The following KLRG1 variants were observed in gnomAD, a reference collection of about 807,000 sequenced individuals.
The protein encoded by KLRG1 is killer cell lectin like receptor G1.
KLRG1 carries 16 observed loss-of-function variants against 21.8 expected under a neutral mutation model. The observed-to-expected ratio is 0.73, with a 90% CI of 0.50 to 1.11. The LOEUF (loss-of-function observed/expected upper bound fraction) is 1.11. KLRG1 is among the 50% of genes most tolerant of loss of function. The pLI, the probability that KLRG1 is intolerant of heterozygous loss-of-function variation, is 0.00. For missense variants in KLRG1, 173 were observed against 218.3 expected (o/e 0.79, Z 1.31); for synonymous variants, 69 against 75.9 (o/e 0.91, Z 0.47).
At chr12:9,091,226 A>G in the KLRG1 span, 10 of 1,614,204 alleles carry the variant, frequency 6.2e-6, no homozygotes, top group Non-Finnish European at 8.5e-6. Context: ...AAGGTAGTTT[A>G]GGACCGTGGC....
chr12:9,192,118 A>G, the KLRG1 span: 6 of 1,286,968 alleles, frequency 4.7e-6, no homozygotes. Context: ...ACGATTTCCC[A>G]TTTATGAACT....
At chr12:9,073,653 C>T in the KLRG1 span, among the ~76,000 whole-genome samples, 212 of 152,176 alleles carry the variant, frequency 1.4e-3, no homozygotes, top group Non-Finnish European at 2.2e-3. Flanking sequence ...AGCAAACATC[C>T]GAATTCTCTG....
upstream of KLRG1, chr12:8,988,446 T>C (rs1946881719): frequency 6.6e-6 from 1 of 152,224 alleles, no homozygotes; most frequent in South Asian, 2.1e-4. Flanking sequence ...AGCAGAAATA[T>C]ATTTGTTTTT....
chr12:9,152,351 G>T, the KLRG1 span: 64 of 1,454,394 alleles, frequency 4.4e-5, no homozygotes, highest in Non-Finnish European at 6.1e-5. Flanking sequence ...TTTTATACGT[G>T]AAAGAAAGCC....
the KLRG1 span, chr12:9,181,090 GT>G: frequency 7.9e-5 from 127 of 1,614,088 alleles, no homozygotes; most frequent in African/African-American, 1.6e-3. Flanking sequence ...AGGTGGGCAT[GT>G]GAGGCTGGGG....
the KLRG1 span, among the ~76,000 whole-genome samples, chr12:9,056,823 G>A: frequency 6.6e-6 from 1 of 152,174 alleles, no homozygotes; most frequent in Non-Finnish European, 1.5e-5. Flanking sequence ...AAACTGCTGG[G>A]ATTATAGGCA....
chr12:8,958,550 A>G (rs1946332800), intron 1 of KLRG1, among the ~76,000 whole-genome samples: 1 of 152,164 alleles, frequency 6.6e-6, no homozygotes, highest in Non-Finnish European at 1.5e-5. Flanking sequence ...GCAACCTGTC[A>G]ATTTCTGTTA....
chr12:9,028,258 T>G, the KLRG1 span: 1 of 488,612 alleles, frequency 2.0e-6, no homozygotes, highest in African/African-American at 2.0e-5. Context: ...TTCAAGCGAT[T>G]CTTCTGCTTC....
chr12:8,994,813 C>T (rs193170219), intron 2 of KLRG1, among the ~76,000 whole-genome samples: 1 of 152,320 alleles, frequency 6.6e-6, no homozygotes, highest in East Asian at 1.9e-4. Flanking sequence ...ATCTCTAGCA[C>T]AAGTCAAGTA....
the KLRG1 span, chr12:9,095,045 T>C: frequency 6.3e-7 from 1 of 1,596,284 alleles, no homozygotes; most frequent in South Asian, 1.2e-5. Flanking sequence ...ATTTTGGGTT[T>C]ACGAATCTTT....
chr12:9,101,234 T>A, the KLRG1 span: 1 of 1,549,956 alleles, frequency 6.5e-7, no homozygotes, highest in Admixed American at 2.0e-5. Context: ...AAAAAGAAAT[T>A]AAATGTGCCA....
At chr12:9,205,592 A>G in the KLRG1 span, among the ~76,000 whole-genome samples, 11 of 152,194 alleles carry the variant, frequency 7.2e-5, no homozygotes, top group Non-Finnish European at 1.5e-4. Flanking sequence ...GTAAATTGTG[A>G]CTAAAATGTA....
the KLRG1 span, chr12:9,169,404 A>G: frequency 9.1e-6 from 14 of 1,543,038 alleles, no homozygotes; most frequent in African/African-American, 1.5e-4. Context: ...ACAAGCCAGC[A>G]TGTTAATAAG....
chr12:9,208,344 T>C, the KLRG1 span: 2 of 1,611,892 alleles, frequency 1.2e-6, no homozygotes. Context: ...TTCCGCATTG[T>C]GAGGGATAAA....
the KLRG1 span, among the ~76,000 whole-genome samples, chr12:9,122,456 A>G: frequency 6.6e-6 from 1 of 152,202 alleles, no homozygotes; most frequent in South Asian, 2.1e-4. Flanking sequence ...TAGGAAAGAT[A>G]AAGTTGTTTG....
At chr12:8,977,207 A>ATT (rs34727740) in intron 1 of KLRG1, among the ~76,000 whole-genome samples, 57 of 142,130 alleles carry the variant, frequency 4.0e-4, no homozygotes, top group African/African-American at 1.0e-3. Context: ...CTAGCTACTG[A>ATT]TTTTTTTTTT....
At chr12:9,070,587 C>A in the KLRG1 span, 6 of 1,600,118 alleles carry the variant, frequency 3.7e-6, no homozygotes, top group Non-Finnish European at 5.1e-6. Context: ...AACTGAGGAT[C>A]CAGGGGAGGA....
chr12:9,200,794 G>T, the KLRG1 span: 2 of 1,290,710 alleles, frequency 1.5e-6, no homozygotes, highest in Non-Finnish European at 2.1e-6. Flanking sequence ...TGACTCTACT[G>T]CAAGTTCAAC....
the KLRG1 span, chr12:9,204,041 T>C: frequency 7.9e-7 from 1 of 1,259,624 alleles, no homozygotes; most frequent in South Asian, 1.5e-5. Flanking sequence ...TATGTATTAA[T>C]TGGTGCAATC....
Sources: allele counts gnomAD v4.1 joint callset (sites outside exome capture counted in the v4.1 genomes callset), GRCh38; gene constraint gnomAD v4.1.1; transcripts MANE v1.5; gene names NCBI Gene and HGNC (gene_info 2026-07-23, HGNC 2026-07-21).